ACTR3B: variants seen among roughly 807,000 people sequenced by gnomAD.
ACTR3B encodes actin related protein 3B.
ACTR3B carries 8 observed loss-of-function variants against 59.0 expected under a neutral mutation model. The ratio of observed to expected loss-of-function variants is 0.14; its 90% CI spans 0.08 to 0.24. ACTR3B has a LOEUF of 0.24. Among genes scored for constraint, ACTR3B ranks in the 10% least tolerant of loss-of-function variants. The probability of loss-of-function intolerance (pLI) is 1.00; values close to 1 mark genes in which losing one functional copy is unlikely to be tolerated. For synonymous variants in ACTR3B, 148 were observed against 197.9 expected (o/e 0.75, Z 2.12); for missense variants, 245 against 552.3 (o/e 0.44, Z 5.58).
intron 4 of ACTR3B, chr7:152,813,394 T>C (rs2116815432): frequency 6.6e-6 from 1 of 152,244 alleles, no homozygotes; most frequent in East Asian, 1.9e-4. Context: ...TATTTATTCT[T>C]TTTCTGTTTC....
At chr7:152,812,537 G>GTTT (rs541458442) in intron 4 of ACTR3B, 1 of 136,442 alleles carries the variant, frequency 7.3e-6, no homozygotes, top group Non-Finnish European at 1.6e-5. Flanking sequence ...TTATTTTATT[G>GTTT]TTTTTTTTTA....
At chr7:152,821,733 C>T (rs183549225) in intron 7 of ACTR3B, among the ~76,000 whole-genome samples, 47 of 152,338 alleles carry the variant, frequency 3.1e-4, no homozygotes, top group African/African-American at 1.0e-3. Context: ...TTCATAGCCT[C>T]CGAGTCAGCT....
chr7:152,796,320 G>T (rs2098216450), intron 2 of ACTR3B, among the ~76,000 whole-genome samples: 1 of 152,036 alleles, frequency 6.6e-6, no homozygotes, highest in African/African-American at 2.4e-5. Flanking sequence ...TCTAGAAGTG[G>T]AATTGCTGGA....
At chr7:152,795,923 A>C (rs1563101395) in intron 2 of ACTR3B, among the ~76,000 whole-genome samples, 1 of 151,008 alleles carries the variant, frequency 6.6e-6, no homozygotes, top group Non-Finnish European at 1.5e-5. Flanking sequence ...GGCTCACTGC[A>C]ACCTCTGCCT....
At chr7:152,835,684 G>C (rs1451476905) in intron 9 of ACTR3B, among the ~76,000 whole-genome samples, 1 of 152,120 alleles carries the variant, frequency 6.6e-6, no homozygotes, top group African/African-American at 2.4e-5. Flanking sequence ...TTCTAGTGAG[G>C]CGTCCTGACC....
intron 2 of ACTR3B, among the ~76,000 whole-genome samples, chr7:152,797,300 G>T (rs1378105184): frequency 6.6e-6 from 1 of 151,974 alleles, no homozygotes; most frequent in Non-Finnish European, 1.5e-5. Context: ...AGGCTGTTCT[G>T]AAACTCCTGA....
At position 152,854,659 on chromosome 7, in the gene ACTR3B, C is replaced by G; in HGVS notation, c.*106C>G. 4 of 1,194,278 alleles carry G rather than the reference C, an allele frequency of 3.3e-6. No homozygotes were observed. Among genetic ancestry groups the G allele is most frequent in the Non-Finnish European group, 4.8e-6 (4 of 824,862 alleles). 74.0% of individuals were successfully genotyped at this position (1,194,278 alleles called of 1,614,324 possible). A position where few individuals can be genotyped will look rare whatever the true frequency, so the allele number is the denominator to read the frequency against. On this transcript the variant is annotated 3_prime_UTR_variant, in exon 12 of 12. Transcript: ENST00000256001. This position sits in a 1 kb window ranked among gnomAD's most constrained non-coding sequence, Gnocchi z 4.9. ...TAAATAGCGACGTCGGTGTTGCTGC[C>G]CAGCAGCGTGCTTGCATTGCCGGTG...
intron 1 of ACTR3B, among the ~76,000 whole-genome samples, chr7:152,780,524 AGCTGTTGCTGAGTCGTATCATCAG>A (rs1335781069): frequency 1.3e-5 from 2 of 151,948 alleles, no homozygotes; most frequent in African/African-American, 4.8e-5. Flanking sequence ...ACATTCCAGC[AGCTGTTGCTGAGTCGTATCATCAG>A]TGTTTAGTTG....
chr7:152,844,033 T>A (rs1425969542), intron 9 of ACTR3B, among the ~76,000 whole-genome samples: 2 of 152,246 alleles, frequency 1.3e-5, no homozygotes, highest in Admixed American at 6.5e-5. Context: ...GTATCACTTT[T>A]GCTGAGCTTG....
At chr7:152,784,751 G>A (rs1476377656) in intron 2 of ACTR3B, among the ~76,000 whole-genome samples, 1 of 152,082 alleles carries the variant, frequency 6.6e-6, no homozygotes, top group African/African-American at 2.4e-5. Flanking sequence ...TCCTCCCATG[G>A]TCTCATCTCT....
rs775040022 is a variant in ACTR3B at position 152,816,550 on chromosome 7, A to G, written c.502A>G (p.Ile168Val). The change falls in exon 6 of 12, where the codon ATT becomes GTT. Residue 168 changes from isoleucine to valine, a missense_variant. This residue lies in a region of ACTR3B where 40 missense variants were observed against 70.4 expected (regional missense o/e 0.57). Coordinates refer to ENST00000256001, the MANE Select transcript of ACTR3B (RefSeq NM_020445.6). ...TGAACGTACGTTAACGGGGATAGTC[A>G]TTGACAGCGGAGATGGAGTCACCCA... is the stretch of plus-strand genomic sequence containing the variant. ...VGERTLTGIV[I>V]DSGDGVTHVI... 39 of 1,604,274 alleles carry G rather than the reference A, an allele frequency of 2.4e-5. No homozygotes were observed. The highest frequency in any genetic ancestry group is 3.2e-5 in the Non-Finnish European group (38 of 1,174,784).
chr7:152,850,504 G>C (rs1379729664), intron 9 of ACTR3B, among the ~76,000 whole-genome samples: 1 of 152,248 alleles, frequency 6.6e-6, no homozygotes, highest in Non-Finnish European at 1.5e-5. Flanking sequence ...GATCACTGTG[G>C]CTTCCCCAAA....
chr7:152,853,523 G>T lies in ACTR3B; in HGVS notation c.1107G>T (p.Thr369=). 6.2e-7 allele frequency: 1 copy of T among 1,612,814 alleles called. No homozygotes were observed. The highest frequency in any genetic ancestry group is 8.5e-7 in the Non-Finnish European group (1 of 1,179,586). Reference sequence around the variant, plus strand: ...AGCCTGTGGAGGTCCAGGTGGTCACGCATCACATGCAGCGCTACGCCGTGT... The same window carrying T: ...AGCCTGTGGAGGTCCAGGTGGTCACTCATCACATGCAGCGCTACGCCGTGT... ...KPKPVEVQVV[T]HHMQRYAVWF... is the part of the protein sequence containing the mutation. The change falls in exon 11 of 12, where the codon ACG becomes ACT. Residue 369 remains threonine, a synonymous_variant. Coordinates refer to ENST00000256001, the MANE Select transcript of ACTR3B (RefSeq NM_020445.6).
rs1453505785 is a variant in ACTR3B, at chr7:152,769,246, G to A, written c.44+9320G>A. On this transcript the variant is annotated intron_variant, in intron 1 of 11. Coordinates refer to ENST00000256001, the MANE Select transcript of ACTR3B (RefSeq NM_020445.6). The stretch of plus-strand genomic sequence containing the variant: ...GTTAGTAACCTATTAAGGTCTCCTC[G>A]CATTTTCTGTGGGTTCTGCTTTATG... Among the ~76,000 whole-genome samples the A allele has an allele frequency of 2.6e-5, 4 of 152,188 alleles. No individual in the cohort carries two copies. In the South Asian group the frequency reaches 6.2e-4, roughly 24 times the overall value.
chr7:152,813,829 CT>C (rs1795474510), intron 4 of ACTR3B: 1 of 135,070 alleles, frequency 7.4e-6, no homozygotes, highest in Non-Finnish European at 1.6e-5. Context: ...ACGCCTGCCC[CT>C]GGATATGTGT....
At chr7:152,850,388 T>C (rs1348455705) in intron 9 of ACTR3B, among the ~76,000 whole-genome samples, 1 of 150,694 alleles carries the variant, frequency 6.6e-6, no homozygotes, top group African/African-American at 2.5e-5. Context: ...CTTCTCCAGG[T>C]AGAAGTTCAG....
At chr7:152,828,890 C>T in intron 9 of ACTR3B, among the ~76,000 whole-genome samples, 1 of 152,132 alleles carries the variant, frequency 6.6e-6, no homozygotes, top group Non-Finnish European at 1.5e-5. Context: ...AAGAGGTCGT[C>T]TCTCTCCCTC....
intron 1 of ACTR3B, among the ~76,000 whole-genome samples, chr7:152,781,562 G>T (rs2098154129): frequency 6.6e-6 from 1 of 152,198 alleles, no homozygotes; most frequent in Non-Finnish European, 1.5e-5. Context: ...CATCATTTTT[G>T]TGGGAAGTAG....
chr7:152,829,579 C>T lies in ACTR3B; in HGVS notation c.951+4457C>T, dbSNP rs188045064. ...GGGGTGGGGCCTGCGGGGAAGCCTC[C>T]GTGTGAGAGCAGGTGAAAATCAGCC... On this transcript the variant is annotated intron_variant, in intron 9 of 11. Coordinates refer to ENST00000256001, the MANE Select transcript of ACTR3B (RefSeq NM_020445.6). 2.0e-3 allele frequency among the ~76,000 whole-genome samples: 305 copies of T among 152,210 alleles called. 2 individuals are homozygous for T. Among genetic ancestry groups the T allele is most frequent in the Non-Finnish European group, 2.3e-3 (157 of 68,010 alleles).
Sources: gnomAD v4.1 joint callset for allele counts (sites outside exome capture counted in the v4.1 genomes callset) on GRCh38, gnomAD v4.1.1 for gene constraint, gnomAD v4.1.1 regional missense constraint, Gnocchi (gnomAD v3.1) non-coding constraint, MANE v1.5 for transcripts, NCBI Gene and HGNC (gene_info 2026-07-23, HGNC 2026-07-21) for gene names.